DNAH6: variants seen among roughly 807,000 people sequenced by gnomAD.
DNAH6 encodes the protein axonemal beta dynein heavy chain 6.
In DNAH6, 340 loss-of-function variants were observed where a neutral mutation model predicts 491.4. The observed-to-expected ratio is 0.69, with a 90% CI of 0.63 to 0.76. The LOEUF (loss-of-function observed/expected upper bound fraction) is 0.76, where lower values mean the gene tolerates loss of function less well. DNAH6 is among the 30% of genes least tolerant of loss of function. DNAH6 has a pLI of 0.00. For synonymous variants in DNAH6, 1,603 were observed against 1,686.1 expected (o/e 0.95, Z 1.21); for missense variants, 4,443 against 4,972.2 (o/e 0.89, Z 3.20).
At chr2:84,619,586 T>G in intron 23 of DNAH6, 99 bp from the exon 24 acceptor site, 1 of 1,064,664 alleles carries the variant, frequency 9.4e-7, no homozygotes, top group Non-Finnish European at 1.4e-6. Context: ...AGGAAATTGG[T>G]GGACAGGGAA....
At chr2:84,621,694 A>G (rs1350696984) in intron 26 of DNAH6, 143 bp downstream of exon 26, 1 of 522,810 alleles carries the variant, frequency 1.9e-6, no homozygotes, top group Non-Finnish European at 3.4e-6. Flanking sequence ...AAGCTTTACA[A>G]TTCTAAAATT....
chr2:84,556,480 A>C (rs920762137), intron 10 of DNAH6, among the ~76,000 whole-genome samples: 4 of 152,228 alleles, frequency 2.6e-5, no homozygotes, highest in African/African-American at 9.6e-5. Flanking sequence ...GATATACTCG[A>C]CAAGCTCCTC....
chr2:84,624,349 G>A lies in DNAH6; in HGVS notation c.4156G>A (p.Val1386Met). The A allele has an allele frequency of 6.4e-7, 1 of 1,551,368 alleles. No individual in the cohort carries two copies. Among genetic ancestry groups the A allele is most frequent in the Admixed American group, 2.0e-5 (1 of 50,982 alleles). Residue 1386 changes from valine to methionine, a missense_variant, in exon 27 of 77, where the codon GTG becomes ATG. This residue lies in a region of DNAH6 where 2,977 missense variants were observed against 3,296.6 expected (regional missense o/e 0.90). Transcript: ENST00000389394. Reference protein sequence around the residue: ...NILTALITIDVHARDIVTELV... With the variant: ...NILTALITIDMHARDIVTELV... ...CCTAACTGCATTGATTACTATTGAT[G>A]TGCATGCAAGAGATATAGTCACTGA...
chr2:84,575,592 T>G (rs1462032246), intron 12 of DNAH6, among the ~76,000 whole-genome samples: 1 of 152,138 alleles, frequency 6.6e-6, no homozygotes, highest in East Asian at 1.9e-4. Context: ...TGCTTAACCG[T>G]TTTACGTACT....
intron 11 of DNAH6, among the ~76,000 whole-genome samples, chr2:84,570,185 A>G: frequency 6.6e-6 from 1 of 152,228 alleles, no homozygotes; most frequent in Non-Finnish European, 1.5e-5. Flanking sequence ...ACATGCCCAA[A>G]TAACAATGGA....
At chr2:84,476,039 G>A in the DNAH6 span, among the ~76,000 whole-genome samples, 3 of 152,194 alleles carry the variant, frequency 2.0e-5, no homozygotes, top group African/African-American at 7.2e-5. Context: ...ACCTGAGTTT[G>A]AGCTTCGTCA....
chr2:84,557,803 T>C lies in DNAH6; in HGVS notation c.1671T>C (p.Asp557=). 1 of 1,613,044 alleles carries C rather than the reference T, an allele frequency of 6.2e-7. No individual in the cohort carries two copies. Among genetic ancestry groups the C allele is most frequent in the Non-Finnish European group, 8.5e-7 (1 of 1,179,352 alleles). The change falls in exon 11 of 77, where the codon GAT becomes GAC. Residue 557 remains aspartate, a synonymous_variant. Coordinates refer to ENST00000389394, the MANE Select transcript of DNAH6 (RefSeq NM_001370.2). The stretch of plus-strand genomic sequence containing the variant: ...TATCAGTTCCTAATCTCGTGCCTGA[T>C]TCGTATTTTGATGCTTTCACCAGCC... ...TVLSVPNLVP[D]SYFDAFTSPY...
At chr2:84,489,837 A>G in the DNAH6 span, among the ~76,000 whole-genome samples, 12 of 152,246 alleles carry the variant, frequency 7.9e-5, no homozygotes, top group East Asian at 2.1e-3. Flanking sequence ...TCATCCCCAG[A>G]GTTTCTGATT....
At chr2:84,571,077 T>C (rs1202796257) in intron 11 of DNAH6, among the ~76,000 whole-genome samples, 1 of 152,212 alleles carries the variant, frequency 6.6e-6, no homozygotes, top group Non-Finnish European at 1.5e-5. Context: ...ATTTGATCAC[T>C]ACCAAATCCT....
At position 84,746,391 on chromosome 2, in the gene DNAH6, G is replaced by A. The variant is rs144931548; in HGVS notation, c.10512+1142G>A. ...TAGCAGAGGGTCAGGAAAAGCTCTA[G>A]GAGAAAAAAAAAGTGTCATGGAAGC... On this transcript the variant is annotated intron_variant, in intron 63 of 76. Transcript: ENST00000389394. Among the ~76,000 whole-genome samples the A allele has an allele frequency of 1.8e-3, 269 of 152,006 alleles. 2 individuals carry two copies. The highest frequency in any genetic ancestry group is 6.1e-3 in the African/African-American group (253 of 41,452).
At chr2:84,775,214 C>G (rs112809881) in intron 64 of DNAH6, among the ~76,000 whole-genome samples, 2,815 of 152,040 alleles carry the variant, frequency 0.019, 76 homozygotes, top group African/African-American at 0.061. Flanking sequence ...TAATTTTTGT[C>G]ATGAAGAAAT....
chr2:84,533,576 A>G (rs1330456513), intron 4 of DNAH6, among the ~76,000 whole-genome samples: 1 of 152,146 alleles, frequency 6.6e-6, no homozygotes, highest in African/African-American at 2.4e-5. Flanking sequence ...TCTTTCCAGC[A>G]TCTTATGATT....
chr2:84,526,440 G>A (rs567905795), intron 3 of DNAH6, among the ~76,000 whole-genome samples: 4 of 152,238 alleles, frequency 2.6e-5, no homozygotes, highest in South Asian at 2.1e-4. Context: ...CTGGAGGTAC[G>A]TAGGTGGACA....
chr2:84,572,911 T>C (rs1276802590), intron 11 of DNAH6, among the ~76,000 whole-genome samples: 1 of 152,200 alleles, frequency 6.6e-6, no homozygotes, highest in African/African-American at 2.4e-5. Context: ...ATCGTTGTCT[T>C]GGTTTAAAAA....
chr2:84,694,682 T>C (rs1303490145), intron 46 of DNAH6, among the ~76,000 whole-genome samples: 3 of 152,240 alleles, frequency 2.0e-5, no homozygotes, highest in African/African-American at 7.2e-5. Context: ...TTCTTAGTAA[T>C]TAAATTTGAT....
the DNAH6 span, among the ~76,000 whole-genome samples, chr2:84,511,162 C>T: frequency 6.6e-6 from 1 of 152,178 alleles, no homozygotes; most frequent in Non-Finnish European, 1.5e-5. Context: ...GCTGTGCCCT[C>T]CCCCAGAGGT....
chr2:84,706,025 C>A lies in DNAH6; in HGVS notation c.8727+278C>A, dbSNP rs528362503. The stretch of plus-strand genomic sequence containing the variant: ...TCTTTAAGGTACTTTTTAGCTCAAC[C>A]ATCTGATGGTCTGTATTTCCGTTTG... On this transcript the variant is annotated intron_variant, in intron 52 of 76. Coordinates refer to ENST00000389394, the MANE Select transcript of DNAH6 (RefSeq NM_001370.2). 1.2e-4 allele frequency among the ~76,000 whole-genome samples: 18 copies of A among 152,266 alleles called. No homozygotes were observed. In the South Asian group the frequency reaches 3.1e-3, roughly 26 times the overall value.
the DNAH6 span, among the ~76,000 whole-genome samples, chr2:84,508,074 G>A: frequency 9.2e-5 from 14 of 152,288 alleles, no homozygotes; most frequent in Non-Finnish European, 2.1e-4. Context: ...GGATGATACT[G>A]GCCTCATAAA....
At chr2:84,685,527 G>A in intron 43 of DNAH6, 55 bp downstream of exon 43, 1 of 1,191,904 alleles carries the variant, frequency 8.4e-7, no homozygotes, top group Non-Finnish European at 1.1e-6. Context: ...AAGCAATTTG[G>A]TTTCTACAAA....
Sources: allele counts gnomAD v4.1 joint callset (sites outside exome capture counted in the v4.1 genomes callset), GRCh38; gene constraint gnomAD v4.1.1; regional missense constraint gnomAD v4.1.1; transcripts MANE v1.5; gene names NCBI Gene and HGNC (gene_info 2026-07-23, HGNC 2026-07-21).